The following LARGE1 variants were observed in gnomAD, a reference collection of about 807,000 sequenced individuals.
LARGE1 encodes the protein LARGE xylosyl- and glucuronyltransferase 1.
In LARGE1, 43 loss-of-function variants were observed where a neutral mutation model predicts 87.6. The observed-to-expected ratio is 0.49, with a 90% CI of 0.38 to 0.63. The LOEUF is 0.63. Among genes scored for constraint, LARGE1 ranks in the 30% least tolerant of loss-of-function variants. The pLI is 0.00. For synonymous variants in LARGE1, 434 were observed against 394.6 expected (o/e 1.10, Z -1.18); for missense variants, 802 against 1,000.2 (o/e 0.80, Z 2.67).
chr22:33,483,016 T>C (rs5998961), intron 6 of LARGE1, among the ~76,000 whole-genome samples: 11,557 of 152,244 alleles, frequency 0.076, 1,289 homozygotes, highest in African/African-American at 0.25. Context: ...AACCAACCAA[T>C]GTAGCTCCGG....
intron 6 of LARGE1, 107 bp downstream of exon 6, chr22:33,564,741 A>C: frequency 8.9e-7 from 1 of 1,123,414 alleles, no homozygotes; most frequent in Non-Finnish European, 1.4e-6. Context: ...CTGCATTAGC[A>C]CGACCTCATT....
chr22:33,066,711 AAG>A, the LARGE1 span, among the ~76,000 whole-genome samples: 1 of 152,174 alleles, frequency 6.6e-6, no homozygotes, highest in African/African-American at 2.4e-5. Flanking sequence ...TGACATGCAA[AAG>A]AGAGAGATTT....
rs148289055 is a variant in LARGE1, at chr22:33,488,673, C to T, written c.788-56408G>A. Among the ~76,000 whole-genome samples the T allele has an allele frequency of 1.1e-3, 173 of 152,286 alleles. 1 individual carries two copies. Among genetic ancestry groups the T allele is most frequent in the African/African-American group, 3.9e-3 (161 of 41,568 alleles). ...GAATCCATTCCCTTAAGCCAAATGG[C>T]TCACCTACTATCATTTGCCCTGACA... On this transcript the variant is annotated intron_variant, in intron 6 of 14. Transcript: ENST00000397394.
intron 5 of LARGE1, among the ~76,000 whole-genome samples, chr22:33,603,816 G>A (rs1276535455): frequency 6.6e-6 from 1 of 152,160 alleles, no homozygotes; most frequent in Non-Finnish European, 1.5e-5. Flanking sequence ...CAAGCAAAAT[G>A]GCACCACAAA....
At chr22:33,214,715 C>A (rs1339136742) in intron 11 of LARGE1, among the ~76,000 whole-genome samples, 1 of 152,164 alleles carries the variant, frequency 6.6e-6, no homozygotes, top group Non-Finnish European at 1.5e-5. Context: ...GAAGTGTGTG[C>A]ATGCAGGATT....
the LARGE1 span, among the ~76,000 whole-genome samples, chr22:33,087,185 T>C: frequency 6.6e-6 from 1 of 152,036 alleles, no homozygotes; most frequent in African/African-American, 2.4e-5. Flanking sequence ...TTTTTTTCCA[T>C]TCTAATCATA....
At chr22:33,310,157 C>T (rs8138316) in intron 11 of LARGE1, among the ~76,000 whole-genome samples, 23,593 of 152,010 alleles carry the variant, frequency 0.16, 2,018 homozygotes, top group South Asian at 0.24. Flanking sequence ...TTCTGACAAG[C>T]TCCCATGCAA....
At chr22:33,284,103 C>T (rs978734162) in intron 12 of LARGE1, among the ~76,000 whole-genome samples, 1 of 152,048 alleles carries the variant, frequency 6.6e-6, no homozygotes. Flanking sequence ...GCTGGGAGAA[C>T]CTCCCACATG....
intron 9 of LARGE1, among the ~76,000 whole-genome samples, chr22:33,372,180 T>A (rs1461328698): frequency 6.6e-6 from 1 of 152,124 alleles, no homozygotes; most frequent in African/African-American, 2.4e-5. Flanking sequence ...TAAGTTGTTT[T>A]CAGCTTCTTA....
intron 6 of LARGE1, among the ~76,000 whole-genome samples, chr22:33,455,137 C>A (rs1319304179): frequency 1.3e-5 from 2 of 152,188 alleles, no homozygotes; most frequent in Non-Finnish European, 2.9e-5. Flanking sequence ...TTTCCTGGGT[C>A]CATAAGGGAG....
At chr22:33,426,665 C>A (rs750416387) in intron 7 of LARGE1, among the ~76,000 whole-genome samples, 3 of 152,198 alleles carry the variant, frequency 2.0e-5, no homozygotes, top group Admixed American at 6.5e-5. Context: ...TTGCCTTCCA[C>A]GGTTTGCTCT....
intron 2 of LARGE1, among the ~76,000 whole-genome samples, chr22:33,749,808 G>C (rs907928443): frequency 3.9e-5 from 6 of 152,092 alleles, no homozygotes; most frequent in African/African-American, 1.4e-4. Context: ...CTTGTCTCAG[G>C]GTTTGTCTCG....
At chr22:33,174,375 C>A (rs1222820253) in intron 11 of LARGE1, among the ~76,000 whole-genome samples, 1 of 152,152 alleles carries the variant, frequency 6.6e-6, no homozygotes, top group African/African-American at 2.4e-5. Flanking sequence ...TAAATGCCCA[C>A]ATGAGAGAGC....
chr22:33,473,824 G>C (rs775014226), intron 6 of LARGE1, among the ~76,000 whole-genome samples: 17 of 152,168 alleles, frequency 1.1e-4, no homozygotes. Context: ...TGGGAGAAGA[G>C]GGAGAGAAAA....
In LARGE1 at chr22:33,620,073, T is replaced by C. The variant is rs115893222; in HGVS notation, c.491+6171A>G. Among the ~76,000 whole-genome samples the C allele has an allele frequency of 9.6e-3, 1,466 of 152,230 alleles. 22 individuals carry two copies. The highest frequency in any genetic ancestry group is 0.033 in the African/African-American group (1,387 of 41,536). ...ACAACTCAGACAGTTCTACAATGAA[T>C]TCAAGCCTGAATAAGGGATAAGACA... is the stretch of plus-strand genomic sequence containing the variant. On this transcript the variant is annotated intron_variant, in intron 4 of 14. Coordinates refer to ENST00000397394, the MANE Select transcript of LARGE1 (RefSeq NM_133642.5).
intron 8 of LARGE1, among the ~76,000 whole-genome samples, chr22:33,383,476 C>T (rs1017482839): frequency 6.6e-6 from 1 of 152,124 alleles, no homozygotes; most frequent in Admixed American, 6.5e-5. Context: ...AGGAGAATTG[C>T]TTGAACCCAG....
At chr22:33,521,472 C>G (rs1427672541) in intron 6 of LARGE1, among the ~76,000 whole-genome samples, 3 of 152,222 alleles carry the variant, frequency 2.0e-5, no homozygotes, top group East Asian at 1.9e-4. Context: ...ACAGGGCAGA[C>G]AGGCTCCCAG....
intron 1 of LARGE1, among the ~76,000 whole-genome samples, chr22:33,902,284 G>C (rs2065304970): frequency 6.6e-6 from 1 of 152,188 alleles, no homozygotes. Flanking sequence ...CCAATCCACT[G>C]CTCCAGTGGG....
At chr22:33,397,330 G>GTC (rs928758895) in intron 7 of LARGE1, among the ~76,000 whole-genome samples, 1 of 152,116 alleles carries the variant, frequency 6.6e-6, no homozygotes, top group African/African-American at 2.4e-5. Flanking sequence ...GGTCAGGCTG[G>GTC]TCTCGAACTC....
Sources: allele counts gnomAD v4.1 joint callset (sites outside exome capture counted in the v4.1 genomes callset), GRCh38; gene constraint gnomAD v4.1.1; transcripts MANE v1.5; gene names NCBI Gene and HGNC (gene_info 2026-07-23, HGNC 2026-07-21).